Variants in AGTR1 observed in about 807,000 individuals in gnomAD.
AGTR1 encodes angiotensin II receptor type 1, also known as type-1 angiotensin II receptor.
AGTR1 carries 16 observed loss-of-function variants against 19.4 expected under a neutral mutation model. That is an observed-to-expected ratio of 0.82 (90% CI 0.56 to 1.25). The LOEUF (loss-of-function observed/expected upper bound fraction) is 1.25, where lower values mean the gene tolerates loss of function less well. Among genes scored for constraint, AGTR1 ranks in the 50% most tolerant of loss-of-function variants. The pLI, the probability that AGTR1 is intolerant of heterozygous loss-of-function variation, is 0.00. For missense variants in AGTR1, 373 were observed against 431.9 expected, an observed-to-expected ratio of 0.86 and a Z score of 1.21; for synonymous variants, 153 against 154.9, an observed-to-expected ratio of 0.99 and a Z score of 0.09.
Position 148,742,223 on chromosome 3 carries a change from A to G in AGTR1, c.*108A>G, listed in dbSNP as rs1714961048. On this transcript the variant is annotated 3_prime_UTR_variant, in exon 3 of 3. Transcript: ENST00000349243. ...AGCATTAGCTACTTTTCAGAATTGA[A>G]GGAGAAAATGCATTATGTGGACTGA... 6.9e-7 allele frequency: 1 copy of G among 1,452,332 alleles called. No homozygotes were observed. The highest frequency in any genetic ancestry group is 9.7e-7 in the Non-Finnish European group (1 of 1,033,606). The allele number at this position is 1,452,332 out of a possible 1,614,324, so 90.0% of individuals were successfully genotyped here.
intron 1 of AGTR1, among the ~76,000 whole-genome samples, chr3:148,702,947 C>A (rs1309082440): frequency 6.6e-6 from 1 of 152,106 alleles, no homozygotes; most frequent in Non-Finnish European, 1.5e-5. Context: ...AAATTTGATG[C>A]TTTTGTCTTG....
rs1177816345 is a variant in AGTR1 at position 148,742,270 on chromosome 3, A to T, written c.*155A>T. On this transcript the variant is annotated 3_prime_UTR_variant, in exon 3 of 3. Coordinates refer to ENST00000349243, the MANE Select transcript of AGTR1 (RefSeq NM_000685.5). ...CTGAACCGACTTTTCTAAAGCTCTG[A>T]ACAAAAGCTTTTCTTTCCTTTTGCA... 14 of 1,089,124 alleles carry T rather than the reference A, an allele frequency of 1.3e-5. No individual in the cohort carries two copies. In the Admixed American group the frequency reaches 2.4e-4, roughly 19 times the overall value. The allele number at this position is 1,089,124 out of a possible 1,614,324, so 67.5% of individuals were successfully genotyped here.
chr3:148,734,543 G>A (rs1030434772), intron 2 of AGTR1, among the ~76,000 whole-genome samples: 2 of 152,138 alleles, frequency 1.3e-5, no homozygotes, highest in African/African-American at 4.8e-5. Flanking sequence ...TTAAGTTTGA[G>A]GAGATTGGAT....
At chr3:148,702,487 A>G (rs949102000) in intron 1 of AGTR1, among the ~76,000 whole-genome samples, 19 of 152,238 alleles carry the variant, frequency 1.2e-4, no homozygotes, top group Admixed American at 3.9e-4. Context: ...AAGCCAAAGT[A>G]TAAAAATGGT....
At chr3:148,738,604 G>A (rs1284616547) in intron 2 of AGTR1, among the ~76,000 whole-genome samples, 1 of 152,178 alleles carries the variant, frequency 6.6e-6, no homozygotes, top group Admixed American at 6.5e-5. Context: ...TCCTCTGGGT[G>A]AGGAAGAACT....
chr3:148,733,906 A>C (rs901047315), intron 2 of AGTR1, among the ~76,000 whole-genome samples: 4 of 152,188 alleles, frequency 2.6e-5, no homozygotes, highest in Admixed American at 6.5e-5. Flanking sequence ...TTCATATTTA[A>C]CATAAGAGTA....
intron 2 of AGTR1, among the ~76,000 whole-genome samples, chr3:148,711,342 C>A: frequency 6.6e-6 from 1 of 152,034 alleles, no homozygotes; most frequent in East Asian, 1.9e-4. Flanking sequence ...TTTGAGTCAT[C>A]AAAGCATCAA....
chr3:148,720,404 C>T (rs3772616), intron 2 of AGTR1, among the ~76,000 whole-genome samples: 52,635 of 152,058 alleles, frequency 0.35, 13,080 homozygotes, highest in African/African-American at 0.71. Context: ...TTGTCGACCT[C>T]ATTTTTCAAA....
chr3:148,739,924 C>G, intron 2 of AGTR1: 1 of 1,231,898 alleles, frequency 8.1e-7, no homozygotes, highest in Non-Finnish European at 1.0e-6. Flanking sequence ...CCAATGCTGA[C>G]CTTCACCTCA....
intron 2 of AGTR1, among the ~76,000 whole-genome samples, chr3:148,732,423 G>GA (rs1389690374): frequency 1.3e-5 from 2 of 152,004 alleles, no homozygotes; most frequent in Non-Finnish European, 2.9e-5. Context: ...TTAAAAGAAA[G>GA]AAAAAAACCT....
intron 2 of AGTR1, among the ~76,000 whole-genome samples, chr3:148,722,626 C>T (rs1713711430): frequency 6.6e-6 from 1 of 152,134 alleles, no homozygotes; most frequent in South Asian, 2.1e-4. Flanking sequence ...CCACTCCCTT[C>T]ATGCACTGAT....
intron 2 of AGTR1, among the ~76,000 whole-genome samples, chr3:148,723,752 A>C (rs751966784): frequency 1.3e-5 from 2 of 152,232 alleles, no homozygotes; most frequent in Non-Finnish European, 2.9e-5. Flanking sequence ...TGTGAGATCA[A>C]GGGTAGACAG....
intron 2 of AGTR1, among the ~76,000 whole-genome samples, chr3:148,735,346 G>C (rs1173673794): frequency 2.0e-5 from 3 of 152,150 alleles, no homozygotes; most frequent in African/African-American, 7.2e-5. Context: ...TCCAGATCAA[G>C]GGAGTGCTGT....
intron 2 of AGTR1, among the ~76,000 whole-genome samples, chr3:148,724,226 C>G (rs1278794096): frequency 6.6e-6 from 1 of 152,114 alleles, no homozygotes. Context: ...AGGGGGAGGG[C>G]CCTCCATTCA....
chr3:148,705,757 TAAAG>T (rs2107928296), intron 1 of AGTR1, among the ~76,000 whole-genome samples: 1 of 151,604 alleles, frequency 6.6e-6, no homozygotes, highest in South Asian at 2.1e-4. Context: ...TAGTGGCAAG[TAAAG>T]ATAGTAGTAA....
At chr3:148,726,849 T>A (rs1277183629) in intron 2 of AGTR1, among the ~76,000 whole-genome samples, 1 of 152,172 alleles carries the variant, frequency 6.6e-6, no homozygotes, top group Non-Finnish European at 1.5e-5. Context: ...CAGAAAAGGC[T>A]GCACTCTGAG....
At chr3:148,707,267 A>AT (rs1016149875) in intron 1 of AGTR1, among the ~76,000 whole-genome samples, 6 of 152,112 alleles carry the variant, frequency 3.9e-5, no homozygotes, top group Non-Finnish European at 8.8e-5. Context: ...ATGTGTATGC[A>AT]TTTTTTATGA....
At chr3:148,721,612 G>C (rs532854546) in intron 2 of AGTR1, among the ~76,000 whole-genome samples, 4 of 152,286 alleles carry the variant, frequency 2.6e-5, no homozygotes, top group African/African-American at 9.6e-5. Context: ...TGCCTGGAGG[G>C]AGTTTGCAGG....
intron 1 of AGTR1, among the ~76,000 whole-genome samples, chr3:148,703,267 A>G (rs1219963739): frequency 6.6e-6 from 1 of 152,190 alleles, no homozygotes; most frequent in African/African-American, 2.4e-5. Context: ...CAGTTCCCAT[A>G]TTAGCATCAT....
Sources: allele counts gnomAD v4.1 joint callset (sites outside exome capture counted in the v4.1 genomes callset), GRCh38; gene constraint gnomAD v4.1.1; transcripts MANE v1.5; gene names NCBI Gene and HGNC (gene_info 2026-07-23, HGNC 2026-07-21).